MX2: variants seen among roughly 807,000 people sequenced by gnomAD.
The protein encoded by MX2 is interferon-induced GTP-binding protein Mx2.
Under a neutral mutation model 74.0 loss-of-function variants are expected in MX2, and 51 were observed. The observed-to-expected ratio is 0.69, with a 90% CI of 0.55 to 0.87. The LOEUF (loss-of-function observed/expected upper bound fraction) is 0.87, where lower values mean the gene tolerates loss of function less well. MX2 is among the 40% of genes least tolerant of loss of function. The pLI is 0.00. For synonymous variants in MX2, 369 were observed against 339.3 expected (o/e 1.09, Z -0.96); for missense variants, 832 against 908.7 (o/e 0.92, Z 1.09).
chr21:41,389,550 G>GTACA (rs918232900), intron 5 of MX2: 8 of 151,812 alleles, frequency 5.3e-5, no homozygotes, highest in South Asian at 2.1e-4. Context: ...ACATACATAC[G>GTACA]TACATACATA....
chr21:41,408,062 C>T lies in MX2; in HGVS notation c.1977C>T (p.Asp659=), dbSNP rs778045877. The part of the protein sequence containing the change: ...IQYFMLRENG[D]SLQKAMMQIL... ...ATTTTATGCTCCGAGAGAATGGTGACTCCTTGCAGAAAGCCATGATGCAGA... is the reference window on the plus strand; with the variant it reads ...ATTTTATGCTCCGAGAGAATGGTGATTCCTTGCAGAAAGCCATGATGCAGA... Residue 659 remains aspartate (D), a synonymous_variant, in exon 14 of 14, where the codon GAC becomes GAT. Transcript: ENST00000330714. 1 of 1,614,190 alleles carries T rather than the reference C, an allele frequency of 6.2e-7. No homozygotes were observed. Among genetic ancestry groups the T allele is most frequent in the Non-Finnish European group, 8.5e-7 (1 of 1,180,028 alleles).
Position 41,403,252 on chromosome 21 carries a change from G to GT in MX2, c.1574-15_1574-14insT, listed in dbSNP as rs112479250. ...ATGTTTTCTTCTTCTTCTCCTTTTT[G>GT]CTTTTTTTGGTCAGAAATTATCCAG... On this transcript the variant is annotated splice_polypyrimidine_tract_variant and intron_variant, in intron 11 of 13. Transcript: ENST00000330714. 0.79 allele frequency: 1,229,569 copies of GT among 1,564,040 alleles called. 487,474 individuals carry two copies. Among genetic ancestry groups the GT allele is most frequent in the Non-Finnish European group, 0.82 (938,128 of 1,140,636 alleles).
Position 41,395,620 on chromosome 21 carries a change from G to C in MX2, c.905G>C (p.Gly302Ala). ...ILTKPDLMDR[G>A]TEKSVMNVVR... ...ACCAAACCAGATCTAATGGACAGGG[G>C]CACTGAGAAAAGCGTCATGAATGTG... The change falls in exon 7 of 14, where the codon GGC (glycine) becomes GCC (alanine). Residue 302 changes from glycine to alanine, a missense_variant. Transcript: ENST00000330714. 6.2e-7 allele frequency: 1 copy of C among 1,614,160 alleles called. No homozygotes were observed. The highest frequency in any genetic ancestry group is 8.5e-7 in the Non-Finnish European group (1 of 1,180,036).
intron 6 of MX2, among the ~76,000 whole-genome samples, chr21:41,394,853 A>G (rs2089712188): frequency 6.6e-6 from 1 of 151,972 alleles, no homozygotes; most frequent in African/African-American, 2.4e-5. Context: ...AGGCAGGAGA[A>G]TCGCTTGAAC....
In MX2 at chr21:41,395,310, T is replaced by C. The variant is rs577384228; in HGVS notation, c.872-277T>C. Among the ~76,000 whole-genome samples the C allele has an allele frequency of 2.6e-5, 4 of 152,332 alleles. No individual in the cohort carries two copies. In the East Asian group the frequency reaches 7.7e-4, roughly 29 times the overall value. On this transcript the variant is annotated intron_variant, in intron 6 of 13. Coordinates refer to ENST00000330714, the MANE Select transcript of MX2 (RefSeq NM_002463.2). ...GGAGCCAGTCCATTCTAACCATGCA[T>C]GCTGCCTTAGTGCTGGGCACCCAGT...
chr21:41,403,388 G>A, intron 12 of MX2, 45 bp downstream of exon 12: 1 of 1,463,606 alleles, frequency 6.8e-7, no homozygotes, highest in East Asian at 2.3e-5. Flanking sequence ...ACCACTGGCT[G>A]TTTAACCTTG....
chr21:41,395,831 A>G (rs1349249665), intron 7 of MX2, 46 bp downstream of exon 7: 2 of 1,597,642 alleles, frequency 1.3e-6, no homozygotes, highest in Non-Finnish European at 8.6e-7. Flanking sequence ...CATGAAAGCC[A>G]GCCCATCTGC....
chr21:41,386,673 G>A (rs1170639512), intron 5 of MX2, among the ~76,000 whole-genome samples: 1 of 152,212 alleles, frequency 6.6e-6, no homozygotes, highest in Non-Finnish European at 1.5e-5. Context: ...CAACCTGGCT[G>A]AGGCCTCCAG....
Position 41,380,302 on chromosome 21 carries a change from T to C in MX2, c.577+151T>C. The C allele has an allele frequency of 9.4e-7, 1 of 1,059,794 alleles. No individual in the cohort carries two copies. The highest frequency in any genetic ancestry group is 1.3e-6 in the Non-Finnish European group (1 of 740,784). 65.6% of individuals were successfully genotyped at this position (1,059,794 alleles called of 1,614,324 possible). A position where few individuals can be genotyped will look rare whatever the true frequency, so the allele number is the denominator to read the frequency against. On this transcript the variant is annotated intron_variant, in intron 4 of 13. Coordinates refer to ENST00000330714, the MANE Select transcript of MX2 (RefSeq NM_002463.2). The surrounding 1 kb of genome is among the most constrained non-coding windows in gnomAD (Gnocchi z 4.3). ...TGGGGCTGAACCCATTGCTGTCACC[T>C]CCACCATCCCTCCAGGTCCTTGTCC...
Position 41,376,933 on chromosome 21 carries a change from C to G in MX2, c.27C>G (p.Pro9=). ...TGTCTAAGGCCCACAAGCCTTGGCCCTACCGGAGGAGAAGTCAATTTTCTT... is the reference window on the plus strand; with the variant it reads ...TGTCTAAGGCCCACAAGCCTTGGCCGTACCGGAGGAGAAGTCAATTTTCTT... MSKAHKPW[P]YRRRSQFSSR... The change falls in exon 2 of 14, where the codon CCC becomes CCG. Residue 9 remains proline (P), a synonymous_variant. Transcript: ENST00000330714. 1 of 1,613,984 alleles carries G rather than the reference C, an allele frequency of 6.2e-7. No homozygotes were observed.
rs1468460799 is a variant in MX2 at position 41,408,535 on chromosome 21, C to G, written c.*302C>G. ...CTTCGCTAATTTGTATTTGTATTCC[C>G]TTCCCCCTACAAGATTATGAGACCC... On this transcript the variant is annotated 3_prime_UTR_variant, in exon 14 of 14. Transcript: ENST00000330714. The G allele has an allele frequency of 3.3e-5, 11 of 331,540 alleles. No homozygotes were observed. 20.5% of individuals were successfully genotyped at this position (331,540 alleles called of 1,614,324 possible).
chr21:41,394,284 G>A (rs538661550), intron 6 of MX2, among the ~76,000 whole-genome samples: 9 of 151,746 alleles, frequency 5.9e-5, no homozygotes, highest in Middle Eastern at 3.4e-3. Flanking sequence ...CAGTTCCACC[G>A]CTCTCTGCCT....
At chr21:41,397,482 T>G (rs1390604929) in intron 7 of MX2, 131 bp from the exon 8 acceptor site, 1 of 703,610 alleles carries the variant, frequency 1.4e-6, no homozygotes, top group East Asian at 2.9e-5. Context: ...GTCTTTCTTA[T>G]GCACCACTTG....
At chr21:41,395,974 G>A (rs553187284) in intron 7 of MX2, among the ~76,000 whole-genome samples, 189 bp downstream of exon 7, 1 of 152,310 alleles carries the variant, frequency 6.6e-6, no homozygotes, top group East Asian at 1.9e-4. Flanking sequence ...TTCCAATGAT[G>A]GTGCTGATTA....
chr21:41,388,373 C>T lies in MX2; in HGVS notation c.733-2192C>T, dbSNP rs1466344893. 6.6e-6 allele frequency among the ~76,000 whole-genome samples: 1 copy of T among 152,206 alleles called. No individual in the cohort carries two copies. Among genetic ancestry groups the T allele is most frequent in the Non-Finnish European group, 1.5e-5 (1 of 68,042 alleles). On this transcript the variant is annotated intron_variant, in intron 5 of 13. Coordinates refer to ENST00000330714, the MANE Select transcript of MX2 (RefSeq NM_002463.2). The surrounding 1 kb of genome is among the most constrained non-coding windows in gnomAD (Gnocchi z 4.0). ...TGGCTCACTTTTGCCTGGACTCTTG[C>T]GTGTGCATGCACGCTTCCCACTGCC... is the stretch of plus-strand genomic sequence containing the variant.
At chr21:41,398,448 G>T (rs1169392631) in intron 8 of MX2, among the ~76,000 whole-genome samples, 1 of 152,204 alleles carries the variant, frequency 6.6e-6, no homozygotes, top group Non-Finnish European at 1.5e-5. Context: ...AAAAACTTTG[G>T]TTTGGCGGTT....
intron 3 of MX2, among the ~76,000 whole-genome samples, chr21:41,379,627 G>A (rs2089460790): frequency 6.6e-6 from 1 of 152,094 alleles, no homozygotes; most frequent in African/African-American, 2.4e-5. Context: ...GCCTGGGGCA[G>A]ACACCTGACA....
chr21:41,382,684 G>GT, intron 5 of MX2, 120 bp downstream of exon 5: 1 of 1,329,652 alleles, frequency 7.5e-7, no homozygotes, highest in Non-Finnish European at 1.0e-6. Flanking sequence ...GGAGTCTCAG[G>GT]TAAGACCTGC....
Position 41,397,482 on chromosome 21 carries a change from T to C in MX2, c.1071-131T>C, listed in dbSNP as rs1390604929. 4 of 703,610 alleles carry C rather than the reference T, an allele frequency of 5.7e-6. No homozygotes were observed. The Admixed American group carries it at 9.7e-5, about 17-fold the overall frequency. 43.6% of individuals were successfully genotyped at this position (703,610 alleles called of 1,614,324 possible). ...AGGCTGGTGGCAAGTGTCTTTCTTA[T>C]GCACCACTTGGCTTTTCTGATGGCA... is the stretch of plus-strand genomic sequence containing the variant. On this transcript the variant is annotated intron_variant, in intron 7 of 13. Transcript: ENST00000330714.
Sources: gnomAD v4.1 joint callset for allele counts (sites outside exome capture counted in the v4.1 genomes callset) on GRCh38, gnomAD v4.1.1 for gene constraint, Gnocchi (gnomAD v3.1) non-coding constraint, MANE v1.5 for transcripts, NCBI Gene and HGNC (gene_info 2026-07-23, HGNC 2026-07-21) for gene names.